The following ARSJ variants were observed in gnomAD, a reference collection of about 807,000 sequenced individuals.
The protein encoded by ARSJ is arylsulfatase family member J.
ARSJ carries 26 observed loss-of-function variants against 35.9 expected under a neutral mutation model. The ratio of observed to expected loss-of-function variants is 0.72; its 90% CI spans 0.53 to 1.00. The LOEUF is 1.00. Among genes scored for constraint, ARSJ ranks in the 50% least tolerant of loss-of-function variants. The pLI is 0.00. For synonymous variants in ARSJ, 294 were observed against 267.6 expected, an observed-to-expected ratio of 1.10 and a Z score of -0.96; for missense variants, 667 against 723.6, an observed-to-expected ratio of 0.92 and a Z score of 0.90.
At chr4:113,946,333 G>A (rs767961284) in intron 1 of ARSJ, 4 of 151,952 alleles carry the variant, frequency 2.6e-5, no homozygotes, top group Non-Finnish European at 5.9e-5. Context: ...TGAAGACAAT[G>A]ATGCAGGCAC....
At chr4:113,921,088 C>CAA (rs1372299908) in intron 1 of ARSJ, among the ~76,000 whole-genome samples, 1 of 98,596 alleles carries the variant, frequency 1.0e-5, no homozygotes, top group Non-Finnish European at 2.4e-5. Flanking sequence ...GAAATACACA[C>CAA]ACACACACAC....
intron 1 of ARSJ, among the ~76,000 whole-genome samples, chr4:113,943,722 A>G (rs1308256730): frequency 6.6e-6 from 1 of 151,992 alleles, no homozygotes; most frequent in Non-Finnish European, 1.5e-5. Context: ...ACACCTGAGT[A>G]ATGAGATGGA....
At chr4:113,919,047 T>C (rs566797340) in intron 1 of ARSJ, among the ~76,000 whole-genome samples, 2 of 152,244 alleles carry the variant, frequency 1.3e-5, no homozygotes, top group South Asian at 4.2e-4. Context: ...CATACTGCTC[T>C]CTTCAACTTC....
At chr4:113,914,609 T>A (rs11930168) in intron 1 of ARSJ, among the ~76,000 whole-genome samples, 3 of 152,206 alleles carry the variant, frequency 2.0e-5, no homozygotes, top group Non-Finnish European at 4.4e-5. Context: ...AAGTATTTCA[T>A]GTCAAATTCA....
At chr4:113,956,955 C>T (rs887236194) in intron 1 of ARSJ, among the ~76,000 whole-genome samples, 5 of 152,062 alleles carry the variant, frequency 3.3e-5, no homozygotes, top group African/African-American at 9.6e-5. Context: ...AAGACAATTC[C>T]GGTGGCTTAA....
At chr4:113,927,812 C>T (rs1040851931) in intron 1 of ARSJ, among the ~76,000 whole-genome samples, 9 of 152,116 alleles carry the variant, frequency 5.9e-5, no homozygotes, top group African/African-American at 2.2e-4. Flanking sequence ...ACCACCCCTG[C>T]GTCTTTCAAG....
chr4:113,933,941 A>T lies in ARSJ; in HGVS notation c.399-30266T>A, dbSNP rs908379536. On this transcript the variant is annotated intron_variant, in intron 1 of 1. Coordinates refer to ENST00000315366, the MANE Select transcript of ARSJ (RefSeq NM_024590.4). ...AAAGCGATCCAAATTGGCAAAAAAG[A>T]AGTCAAGTTCACCTTGTATGCAGAC... 2.0e-5 allele frequency among the ~76,000 whole-genome samples: 3 copies of T among 151,854 alleles called. No homozygotes were observed. In the East Asian group the frequency reaches 5.8e-4, roughly 29 times the overall value.
At position 113,965,099 on chromosome 4, in the gene ARSJ, T is replaced by A. The variant is rs184795070; in HGVS notation, c.398+13338A>T. Among the ~76,000 whole-genome samples, 7 of 152,270 alleles carry A rather than the reference T, an allele frequency of 4.6e-5. No homozygotes were observed. The East Asian group carries it at 9.6e-4, about 21-fold the overall frequency. Reference sequence around the variant, plus strand: ...CTACACTTATGGAATATTTAAGTTCTTCATTTCATCTCTCAATAAGAGAAA... The same window carrying A: ...CTACACTTATGGAATATTTAAGTTCATCATTTCATCTCTCAATAAGAGAAA... On this transcript the variant is annotated intron_variant, in intron 1 of 1. Transcript: ENST00000315366.
chr4:113,920,324 T>C, intron 1 of ARSJ, among the ~76,000 whole-genome samples: 1 of 152,108 alleles, frequency 6.6e-6, no homozygotes, highest in South Asian at 2.1e-4. Flanking sequence ...CACACATTCA[T>C]AAAACACAAC....
At chr4:113,937,822 C>T (rs2149267591) in intron 1 of ARSJ, among the ~76,000 whole-genome samples, 1 of 152,066 alleles carries the variant, frequency 6.6e-6, no homozygotes, top group Non-Finnish European at 1.5e-5. Flanking sequence ...TCTAGGAATA[C>T]AGCTAATAAG....
rs1382660182 is a variant in ARSJ, at chr4:113,900,671, A to T, written c.*1603T>A. 6.6e-6 allele frequency: 1 copy of T among 152,184 alleles called. No homozygotes were observed. Among genetic ancestry groups the T allele is most frequent in the Non-Finnish European group, 1.5e-5 (1 of 68,032 alleles). 9.4% of individuals were successfully genotyped at this position (152,184 alleles called of 1,614,324 possible). Reference sequence around the variant, plus strand: ...AAGATCATAATTCTAGCTATCTGTGACTTTTCAAGTGTATACTGTAAGCTT... The same window carrying T: ...AAGATCATAATTCTAGCTATCTGTGTCTTTTCAAGTGTATACTGTAAGCTT... On this transcript the variant is annotated 3_prime_UTR_variant, in exon 2 of 2. Transcript: ENST00000315366.
intron 1 of ARSJ, among the ~76,000 whole-genome samples, chr4:113,955,437 GAA>G (rs74268394): frequency 1.4e-5 from 2 of 139,770 alleles, no homozygotes; most frequent in Admixed American, 7.2e-5. Flanking sequence ...GGATATTTAG[GAA>G]AAAAAAAAAA....
intron 1 of ARSJ, among the ~76,000 whole-genome samples, chr4:113,948,949 T>G (rs1266830511): frequency 1.3e-5 from 2 of 152,110 alleles, no homozygotes; most frequent in Non-Finnish European, 2.9e-5. Context: ...CAAATGCCCA[T>G]CAATGATAGA....
intron 1 of ARSJ, among the ~76,000 whole-genome samples, chr4:113,930,517 A>T (rs1333820280): frequency 6.6e-6 from 1 of 152,072 alleles, no homozygotes; most frequent in Non-Finnish European, 1.5e-5. Flanking sequence ...TCAAACTGAC[A>T]CCCCATATTA....
At chr4:113,955,575 A>G (rs2149277508) in intron 1 of ARSJ, among the ~76,000 whole-genome samples, 1 of 152,186 alleles carries the variant, frequency 6.6e-6, no homozygotes, top group East Asian at 1.9e-4. Flanking sequence ...CTAAATCCAT[A>G]TGGGTAGAAC....
At chr4:113,946,661 T>A (rs1725506903) in intron 1 of ARSJ, among the ~76,000 whole-genome samples, 1 of 152,036 alleles carries the variant, frequency 6.6e-6, no homozygotes, top group Non-Finnish European at 1.5e-5. Context: ...TTTACATAAA[T>A]CTACATTTCT....
Position 113,978,959 on chromosome 4 carries a change from G to T in ARSJ, c.-125C>A. The T allele has an allele frequency of 9.7e-7, 1 of 1,026,964 alleles. No homozygotes were observed. Among genetic ancestry groups the T allele is most frequent in the Non-Finnish European group, 1.4e-6 (1 of 710,036 alleles). The allele number at this position is 1,026,964 out of a possible 1,614,324, so 63.6% of individuals were successfully genotyped here. On this transcript the variant is annotated 5_prime_UTR_variant, in exon 1 of 2. In the 5' UTR this introduces an upstream ATG that the reference lacks. Transcript: ENST00000315366. ...GGCAAGAAATCCTCCTCTCCTCTCA[G>T]CTGTCACCATGTCCGACAACTTTAA...
chr4:113,971,502 T>C (rs1727248081), intron 1 of ARSJ, among the ~76,000 whole-genome samples: 1 of 152,152 alleles, frequency 6.6e-6, no homozygotes, highest in African/African-American at 2.4e-5. Flanking sequence ...TGACCATAAT[T>C]CTACTATCAG....
In ARSJ at chr4:113,930,453, G is replaced by A. The variant is rs1594434184; in HGVS notation, c.399-26778C>T. On this transcript the variant is annotated intron_variant, in intron 1 of 1. Coordinates refer to ENST00000315366, the MANE Select transcript of ARSJ (RefSeq NM_024590.4). Reference sequence around the variant, plus strand: ...GACGACTCAAATATTAATCTCCTTTGGCAACACCCTCACAGACACACTCAG... The same window carrying A: ...GACGACTCAAATATTAATCTCCTTTAGCAACACCCTCACAGACACACTCAG... Among the ~76,000 whole-genome samples, 4 of 151,926 alleles carry A rather than the reference G, an allele frequency of 2.6e-5. No homozygotes were observed. The South Asian group carries it at 8.3e-4, about 32-fold the overall frequency.
Sources: allele counts gnomAD v4.1 joint callset (sites outside exome capture counted in the v4.1 genomes callset), GRCh38; gene constraint gnomAD v4.1.1; transcripts MANE v1.5; gene names NCBI Gene and HGNC (gene_info 2026-07-23, HGNC 2026-07-21).